CCSAP: variants seen among roughly 807,000 people sequenced by gnomAD.
The protein encoded by CCSAP is centriole, cilia and spindle associated protein.
CCSAP carries 17 observed loss-of-function variants against 25.9 expected under a neutral mutation model. That is an observed-to-expected ratio of 0.66 (90% CI 0.45 to 0.99). CCSAP has a LOEUF of 0.99. Ranked by LOEUF, CCSAP falls within the 50% of genes least tolerant of loss-of-function variation. CCSAP has a pLI of 0.00. For missense variants in CCSAP, 339 were observed against 367.8 expected, an observed-to-expected ratio of 0.92 and a Z score of 0.64; for synonymous variants, 169 against 157.1, an observed-to-expected ratio of 1.08 and a Z score of -0.57.
rs1571856016 is a variant in CCSAP at position 229,336,974 on chromosome 1, A to C, written c.367+5125T>G. On this transcript the variant is annotated intron_variant, in intron 2 of 3. Coordinates refer to ENST00000284617, the MANE Select transcript of CCSAP (RefSeq NM_145257.5). ...AAGGGTTCTCCCAGAAAATAGAACC[A>C]AAAAGTCCAAATTCCATTGTAGAAA... is the stretch of plus-strand genomic sequence containing the variant. 2.0e-5 allele frequency among the ~76,000 whole-genome samples: 3 copies of C among 152,222 alleles called. No individual in the cohort carries two copies. In the East Asian group the frequency reaches 5.8e-4, roughly 29 times the overall value.
intron 2 of CCSAP, among the ~76,000 whole-genome samples, chr1:229,335,696 G>C (rs182535260): frequency 1.8e-4 from 28 of 152,238 alleles, no homozygotes; most frequent in Admixed American, 1.7e-3. Flanking sequence ...GGAAGGCCAG[G>C]CACAGGAAGA....
At chr1:229,341,738 T>C (rs1382268196) in intron 2 of CCSAP, among the ~76,000 whole-genome samples, 1 of 152,038 alleles carries the variant, frequency 6.6e-6, no homozygotes, top group Non-Finnish European at 1.5e-5. Flanking sequence ...GGGGCTCCTC[T>C]GATCAAAAAT....
rs2102690493 is a variant in CCSAP, at chr1:229,324,977, C to T, written c.*258G>A. The T allele has an allele frequency of 3.0e-6, 1 of 338,900 alleles. No individual in the cohort carries two copies. The highest frequency in any genetic ancestry group is 9.0e-4 in the Middle Eastern group (1 of 1,114). The allele number at this position is 338,900 out of a possible 1,614,324, so 21.0% of individuals were successfully genotyped here. ...GATTAAGATGCTTTAAAACAAAAAC[C>T]TTATAAGAATATCAAAGATTTAGGG... On this transcript the variant is annotated 3_prime_UTR_variant, in exon 4 of 4. Transcript: ENST00000284617.
rs1657908790 is a variant in CCSAP at position 229,325,028 on chromosome 1, T to C, written c.*207A>G. ...AATTATCTTCATAAATAACCAAATGTCTATGGCTTCAACTGTCTGCCCTAC... is the reference window on the plus strand; with the variant it reads ...AATTATCTTCATAAATAACCAAATGCCTATGGCTTCAACTGTCTGCCCTAC... On this transcript the variant is annotated 3_prime_UTR_variant, in exon 4 of 4. Transcript: ENST00000284617. 1 of 473,642 alleles carries C rather than the reference T, an allele frequency of 2.1e-6. No homozygotes were observed. The highest frequency in any genetic ancestry group is 3.7e-6 in the Non-Finnish European group (1 of 269,464). 29.3% of individuals were successfully genotyped at this position (473,642 alleles called of 1,614,324 possible). A position where few individuals can be genotyped will look rare whatever the true frequency, so the allele number is the denominator to read the frequency against.
At position 229,342,069 on chromosome 1, in the gene CCSAP, GC is replaced by G; in HGVS notation, c.367+29del. On this transcript the variant is annotated intron_variant, in intron 2 of 3. Coordinates refer to ENST00000284617, the MANE Select transcript of CCSAP (RefSeq NM_145257.5). The surrounding 1 kb of genome is among the most constrained non-coding windows in gnomAD (Gnocchi z 7.5). ...TAGAGCAAACCGTCCCTGCGTGCAGGCCCCTCGCGCTCCCCTCCGGGCCGGG... is the reference window on the plus strand; with the variant it reads ...TAGAGCAAACCGTCCCTGCGTGCAGGCCCTCGCGCTCCCCTCCGGGCCGGG... 1 of 1,317,544 alleles carries G rather than the reference GC, an allele frequency of 7.6e-7. No individual in the cohort carries two copies. The allele number at this position is 1,317,544 out of a possible 1,614,324, so 81.6% of individuals were successfully genotyped here.
chr1:229,327,121 T>C lies in CCSAP; in HGVS notation c.368-115A>G. On this transcript the variant is annotated intron_variant, in intron 2 of 3. Coordinates refer to ENST00000284617, the MANE Select transcript of CCSAP (RefSeq NM_145257.5). ...AGACAGTAACATTTTCACTTATGGCTCAACTCATACGATCCACTTAAAGTA... is the reference window on the plus strand; with the variant it reads ...AGACAGTAACATTTTCACTTATGGCCCAACTCATACGATCCACTTAAAGTA... The C allele has an allele frequency of 3.6e-6, 3 of 836,570 alleles. No homozygotes were observed. In the South Asian group the frequency reaches 7.0e-5, roughly 19 times the overall value. 51.8% of individuals were successfully genotyped at this position (836,570 alleles called of 1,614,324 possible). A position where few individuals can be genotyped will look rare whatever the true frequency, so the allele number is the denominator to read the frequency against.
rs568093342 is a variant in CCSAP at position 229,326,449 on chromosome 1, C to T, written c.636+289G>A. 7.9e-5 allele frequency among the ~76,000 whole-genome samples: 12 copies of T among 152,356 alleles called. No individual in the cohort carries two copies. In the South Asian group the frequency reaches 2.5e-3, roughly 32 times the overall value. Reference sequence around the variant, plus strand: ...TCCTAACCTTCCGGCCCCCCAGGAACTTGTGAACCCCAACTCCATCTACAT... The same window carrying T: ...TCCTAACCTTCCGGCCCCCCAGGAATTTGTGAACCCCAACTCCATCTACAT... On this transcript the variant is annotated intron_variant, in intron 3 of 3. Transcript: ENST00000284617.
chr1:229,326,443 C>T lies in CCSAP; in HGVS notation c.636+295G>A, dbSNP rs547854814. On this transcript the variant is annotated intron_variant, in intron 3 of 3. Transcript: ENST00000284617. Reference sequence around the variant, plus strand: ...TGCTCCTCCTAACCTTCCGGCCCCCCAGGAACTTGTGAACCCCAACTCCAT... The same window carrying T: ...TGCTCCTCCTAACCTTCCGGCCCCCTAGGAACTTGTGAACCCCAACTCCAT... Among the ~76,000 whole-genome samples, 27 of 152,358 alleles carry T rather than the reference C, an allele frequency of 1.8e-4. No individual in the cohort carries two copies. The South Asian group carries it at 5.6e-3, about 32-fold the overall frequency.
Position 229,326,806 on chromosome 1 carries a change from C to T in CCSAP, c.568G>A (p.Gly190Arg). Residue 190 changes from glycine (G) to arginine (R), a missense_variant, in exon 3 of 4, where the codon GGA becomes AGA. By Grantham distance (125) the Gly-to-Arg change is moderately radical (BLOSUM62 -2). Coordinates refer to ENST00000284617, the MANE Select transcript of CCSAP (RefSeq NM_145257.5). Reference protein sequence around the residue: ...NKHPFALYGWGEKQTDTGSQK... With the variant: ...NKHPFALYGWREKQTDTGSQK... ...CTTCCTGTATCGGTCTGTTTTTCTC[C>T]CCAGCCATAAAGAGCAAATGGATGC... 1 of 1,614,198 alleles carries T rather than the reference C, an allele frequency of 6.2e-7. No homozygotes were observed. Among genetic ancestry groups the T allele is most frequent in the Non-Finnish European group, 8.5e-7 (1 of 1,180,042 alleles).
At chr1:229,339,513 T>C (rs1309939455) in intron 2 of CCSAP, among the ~76,000 whole-genome samples, 3 of 151,882 alleles carry the variant, frequency 2.0e-5, no homozygotes, top group African/African-American at 7.3e-5. Flanking sequence ...GAAGATGTGC[T>C]CCACCAAGAA....
chr1:229,342,265 C>A lies in CCSAP; in HGVS notation c.201G>T (p.Ser67=). 7.7e-7 allele frequency: 1 copy of A among 1,304,032 alleles called. No individual in the cohort carries two copies. The highest frequency in any genetic ancestry group is 1.5e-5 in the African/African-American group (1 of 65,086). The allele number at this position is 1,304,032 out of a possible 1,614,324, so 80.8% of individuals were successfully genotyped here. The part of the protein sequence containing the change: ...SSEDSASSES[S]GAGGPAPRCA... ...ACCGGGGTGCGGGGCCCCCGGCGCC[C>A]GACGACTCTGACGACGCCGAGTCCT... Residue 67 remains serine, a synonymous_variant, in exon 2 of 4, where the codon TCG becomes TCT. Coordinates refer to ENST00000284617, the MANE Select transcript of CCSAP (RefSeq NM_145257.5). The surrounding 1 kb of genome is among the most constrained non-coding windows in gnomAD (Gnocchi z 7.5).
intron 2 of CCSAP, among the ~76,000 whole-genome samples, chr1:229,331,990 G>A (rs1450408927): frequency 6.6e-6 from 1 of 151,862 alleles, no homozygotes; most frequent in Non-Finnish European, 1.5e-5. Context: ...TTACAGGCGT[G>A]GGCCACAACA....
At position 229,326,986 on chromosome 1, in the gene CCSAP, C is replaced by G; in HGVS notation, c.388G>C (p.Glu130Gln). ...CTGGTTTGTTGTTCAGGTTTATCTT[C>G]TACATCTTTCACTGGCAGTGCTTTT... ...ALPALPVKDV[E>Q]DKPEQQTRTR... is the part of the protein sequence containing the mutation. Residue 130 changes from glutamate to glutamine, a missense_variant, in exon 3 of 4, where the codon GAA (glutamate) becomes CAA (glutamine). Glu to Gln is a conservative substitution (Grantham distance 29, BLOSUM62 2). Transcript: ENST00000284617. 6.2e-7 allele frequency: 1 copy of G among 1,608,626 alleles called. No individual in the cohort carries two copies.
rs746828276 is a variant in CCSAP, at chr1:229,327,014, AAAG to A, written c.368-11_368-9del. 6.3e-7 allele frequency: 1 copy of A among 1,595,838 alleles called. No homozygotes were observed. Among genetic ancestry groups the A allele is most frequent in the Non-Finnish European group, 8.5e-7 (1 of 1,171,118 alleles). ...CATCTTTCACTGGCAGTGCTTTTGAAAAGAGATAAATGAGATGAAAATACTTTG... is the reference window on the plus strand; with the variant it reads ...CATCTTTCACTGGCAGTGCTTTTGAAAGATAAATGAGATGAAAATACTTTG... On this transcript the variant is annotated splice_polypyrimidine_tract_variant and intron_variant, in intron 2 of 3. Coordinates refer to ENST00000284617, the MANE Select transcript of CCSAP (RefSeq NM_145257.5).
chr1:229,342,048 GC>G lies in CCSAP; in HGVS notation c.367+50del. ...AGAGATCAGCTGCTCAGAGCTTAGA[GC>G]AAACCGTCCCTGCGTGCAGGCCCCT... On this transcript the variant is annotated intron_variant, in intron 2 of 3. Coordinates refer to ENST00000284617, the MANE Select transcript of CCSAP (RefSeq NM_145257.5). The surrounding 1 kb of genome is among the most constrained non-coding windows in gnomAD (Gnocchi z 7.5). The G allele has an allele frequency of 7.7e-7, 1 of 1,293,100 alleles. No homozygotes were observed. Among genetic ancestry groups the G allele is most frequent in the South Asian group, 3.1e-5 (1 of 32,058 alleles). 80.1% of individuals were successfully genotyped at this position (1,293,100 alleles called of 1,614,324 possible).
intron 2 of CCSAP, among the ~76,000 whole-genome samples, chr1:229,333,606 G>A (rs1033069368): frequency 4.6e-5 from 7 of 151,848 alleles, no homozygotes; most frequent in African/African-American, 7.3e-5. Flanking sequence ...AAGGCCAGGC[G>A]CAGTGGCTCA....
Position 229,325,426 on chromosome 1 carries a change from A to G in CCSAP, c.637-15T>C. On this transcript the variant is annotated splice_polypyrimidine_tract_variant and intron_variant, in intron 3 of 3. Transcript: ENST00000284617. ...GATTCATGAATCTAAAGAGAGTTCA[A>G]AATAAAGGATAGTAACTTAAGGGGC... is the stretch of plus-strand genomic sequence containing the variant. 1 of 1,607,196 alleles carries G rather than the reference A, an allele frequency of 6.2e-7. No homozygotes were observed. Among genetic ancestry groups the G allele is most frequent in the Non-Finnish European group, 8.5e-7 (1 of 1,177,980 alleles).
chr1:229,322,838 TAA>T lies in CCSAP; in HGVS notation c.*2395_*2396del, dbSNP rs1171840326. The T allele has an allele frequency of 4.6e-5, 7 of 152,230 alleles. No homozygotes were observed. Among genetic ancestry groups the T allele is most frequent in the Admixed American group, 1.3e-4 (2 of 15,274 alleles). 9.4% of individuals were successfully genotyped at this position (152,230 alleles called of 1,614,324 possible). The stretch of plus-strand genomic sequence containing the variant: ...TTTAATTAAGTTAAAATCAAAATTT[TAA>T]AAAGAGTTTTATGTAGCATTTATTT... On this transcript the variant is annotated 3_prime_UTR_variant, in exon 4 of 4. Coordinates refer to ENST00000284617, the MANE Select transcript of CCSAP (RefSeq NM_145257.5).
intron 2 of CCSAP, among the ~76,000 whole-genome samples, chr1:229,339,802 A>G (rs1658287016): frequency 6.6e-6 from 1 of 152,316 alleles, no homozygotes; most frequent in South Asian, 2.1e-4. Flanking sequence ...GCTTTGAGTA[A>G]CTTTTTCCAT....
Sources: allele counts gnomAD v4.1 joint callset (sites outside exome capture counted in the v4.1 genomes callset), GRCh38; gene constraint gnomAD v4.1.1; non-coding constraint Gnocchi (gnomAD v3.1); transcripts MANE v1.5; gene names NCBI Gene and HGNC (gene_info 2026-07-23, HGNC 2026-07-21).